MARK1: variants seen among roughly 807,000 people sequenced by gnomAD.
MARK1 encodes the protein microtubule affinity regulating kinase 1.
In MARK1, 40 loss-of-function variants were observed where a neutral mutation model predicts 96.3. The ratio of observed to expected loss-of-function variants is 0.42; its 90% CI spans 0.32 to 0.54. The LOEUF (loss-of-function observed/expected upper bound fraction) is 0.54, where lower values mean the gene tolerates loss of function less well. Among genes scored for constraint, MARK1 ranks in the 20% least tolerant of loss-of-function variants. The probability of loss-of-function intolerance (pLI) is 0.16; values close to 1 mark genes in which losing one functional copy is unlikely to be tolerated. For missense variants in MARK1, 719 were observed against 984.6 expected, an observed-to-expected ratio of 0.73 and a Z score of 3.61; for synonymous variants, 317 against 341.2, an observed-to-expected ratio of 0.93 and a Z score of 0.78.
chr1:220,570,459 A>C (rs1183505850), intron 1 of MARK1, among the ~76,000 whole-genome samples: 1 of 152,170 alleles, frequency 6.6e-6, no homozygotes, highest in Non-Finnish European at 1.5e-5. Context: ...TATTGCTGAT[A>C]TATCTAATAC....
rs71640898 is a variant in MARK1, at chr1:220,639,403, T to C, written c.1470+3377T>C. 3.6e-3 allele frequency among the ~76,000 whole-genome samples: 555 copies of C among 152,368 alleles called. 4 individuals carry two copies. Among genetic ancestry groups the C allele is most frequent in the Non-Finnish European group, 7.1e-3 (480 of 68,038 alleles). On this transcript the variant is annotated intron_variant, in intron 13 of 17. Transcript: ENST00000366917. ...TCACTTATAATAGTTTGGGGGTCCT[T>C]CTAGATCGGAACATCAAGATCTTTT... is the stretch of plus-strand genomic sequence containing the variant.
intron 1 of MARK1, among the ~76,000 whole-genome samples, chr1:220,563,802 G>A (rs1471327264): frequency 6.6e-6 from 1 of 152,136 alleles, no homozygotes; most frequent in Non-Finnish European, 1.5e-5. Flanking sequence ...TTCCAGACCT[G>A]TTCATTTCTT....
intron 1 of MARK1, among the ~76,000 whole-genome samples, chr1:220,550,839 A>G (rs1446002163): frequency 2.0e-5 from 3 of 152,234 alleles, no homozygotes; most frequent in Admixed American, 1.3e-4. Context: ...CATTTAATTT[A>G]TCACATTGGA....
At chr1:220,601,360 A>G (rs1456417022) in intron 5 of MARK1, among the ~76,000 whole-genome samples, 1 of 147,920 alleles carries the variant, frequency 6.8e-6, no homozygotes, top group Non-Finnish European at 1.5e-5. Flanking sequence ...AGGTTCTTTG[A>G]CTTAACTTGA....
At chr1:220,551,941 A>G (rs925398853) in intron 1 of MARK1, among the ~76,000 whole-genome samples, 1 of 152,134 alleles carries the variant, frequency 6.6e-6, no homozygotes, top group Admixed American at 6.5e-5. Flanking sequence ...AGTCTGGGCC[A>G]TCAGAAGTCT....
intron 6 of MARK1, among the ~76,000 whole-genome samples, chr1:220,614,618 T>C (rs1666638508): frequency 6.6e-6 from 1 of 151,856 alleles, no homozygotes; most frequent in Non-Finnish European, 1.5e-5. Flanking sequence ...ATAGAGAATA[T>C]ATACCTTATT....
rs1668987781 is a variant in MARK1 at position 220,653,282 on chromosome 1, G to A, written c.1918G>A (p.Ala640Thr). 2 of 1,614,230 alleles carry A rather than the reference G, an allele frequency of 1.2e-6. No homozygotes were observed. Among genetic ancestry groups the A allele is most frequent in the Non-Finnish European group, 1.7e-6 (2 of 1,180,042 alleles). The change falls in exon 16 of 18, where the codon GCA (alanine) becomes ACA (threonine). Residue 640 changes from alanine (A) to threonine (T), a missense_variant. This residue lies in a region of MARK1 where 501 missense variants were observed against 588.3 expected (regional missense o/e 0.85). Transcript: ENST00000366917. ...TGCTTCACCATCCCATGAAACGGGTGCATTTGCACATGCCAGAAGGGGAAC... is the reference window on the plus strand; with the variant it reads ...TGCTTCACCATCCCATGAAACGGGTACATTTGCACATGCCAGAAGGGGAAC... ...PPASPSHETG[A>T]FAHARRGTST...
chr1:220,586,024 C>CAG (rs1553323045), intron 3 of MARK1, among the ~76,000 whole-genome samples: 28 of 151,464 alleles, frequency 1.8e-4, no homozygotes, highest in African/African-American at 6.8e-4. Flanking sequence ...CGCGCGTGCG[C>CAG]AGAGAGAGAG....
intron 1 of MARK1, among the ~76,000 whole-genome samples, chr1:220,569,502 G>C (rs1161861982): frequency 6.6e-6 from 1 of 151,760 alleles, no homozygotes; most frequent in East Asian, 1.9e-4. Context: ...CTAGTACTTT[G>C]GTGGTTTCTT....
chr1:220,538,050 T>G (rs1356024220), intron 1 of MARK1, among the ~76,000 whole-genome samples: 3 of 152,206 alleles, frequency 2.0e-5, no homozygotes, highest in African/African-American at 7.2e-5. Context: ...TGATGGTAGT[T>G]TCTTTTGCTG....
chr1:220,541,027 C>A (rs1034573555), intron 1 of MARK1, among the ~76,000 whole-genome samples: 38 of 151,826 alleles, frequency 2.5e-4, no homozygotes, highest in Admixed American at 1.6e-3. Context: ...TCTGCTTCCT[C>A]GGTTCAAGTG....
chr1:220,597,075 A>C (rs560338664), intron 3 of MARK1, among the ~76,000 whole-genome samples: 1 of 152,186 alleles, frequency 6.6e-6, no homozygotes, highest in South Asian at 2.1e-4. Context: ...AGGCTGAATA[A>C]TATTCCATTG....
chr1:220,612,353 A>G (rs1444226533), intron 6 of MARK1, among the ~76,000 whole-genome samples: 1 of 152,212 alleles, frequency 6.6e-6, no homozygotes, highest in Non-Finnish European at 1.5e-5. Flanking sequence ...ACAAATAATT[A>G]CTAAAATTGG....
chr1:220,660,259 G>A (rs2103075739), intron 17 of MARK1, among the ~76,000 whole-genome samples: 1 of 152,026 alleles, frequency 6.6e-6, no homozygotes. Flanking sequence ...AGATTCAGTG[G>A]GCAAAAAGAG....
chr1:220,560,872 G>A (rs1271271173), intron 1 of MARK1, among the ~76,000 whole-genome samples: 1 of 152,300 alleles, frequency 6.6e-6, no homozygotes, highest in East Asian at 1.9e-4. Flanking sequence ...GGACTGTCAG[G>A]TGATGTTGAG....
chr1:220,659,665 G>A (rs889028068), intron 17 of MARK1, among the ~76,000 whole-genome samples: 3 of 152,156 alleles, frequency 2.0e-5, no homozygotes, highest in African/African-American at 7.2e-5. Context: ...GTGAGACCAT[G>A]CAGAAAAATA....
At chr1:220,600,238 C>G (rs1253138329) in intron 5 of MARK1, among the ~76,000 whole-genome samples, 1 of 152,046 alleles carries the variant, frequency 6.6e-6, no homozygotes, top group Non-Finnish European at 1.5e-5. Flanking sequence ...ATAATAAAAG[C>G]TTGTTCTAGG....
At chr1:220,563,493 CA>C (rs1662821306) in intron 1 of MARK1, among the ~76,000 whole-genome samples, 1 of 152,004 alleles carries the variant, frequency 6.6e-6, no homozygotes, top group Non-Finnish European at 1.5e-5. Flanking sequence ...CTTATTCTTA[CA>C]AATCAGATGA....
intron 14 of MARK1, 59 bp downstream of exon 14, chr1:220,650,779 G>A: frequency 8.3e-7 from 1 of 1,205,114 alleles, no homozygotes; most frequent in Non-Finnish European, 1.2e-6. Context: ...TAGTGCCCTT[G>A]CTGAAATGCC....
Sources: allele counts gnomAD v4.1 joint callset (sites outside exome capture counted in the v4.1 genomes callset), GRCh38; gene constraint gnomAD v4.1.1; regional missense constraint gnomAD v4.1.1; transcripts MANE v1.5; gene names NCBI Gene and HGNC (gene_info 2026-07-23, HGNC 2026-07-21).